The following ULK4 variants were observed in gnomAD, a reference collection of about 807,000 sequenced individuals.
ULK4 encodes the protein inactive serine/threonine-protein kinase ULK4.
Under a neutral mutation model 160.6 loss-of-function variants are expected in ULK4, and 133 were observed. That is an observed-to-expected ratio of 0.83 (90% CI 0.72 to 0.96). The LOEUF (loss-of-function observed/expected upper bound fraction) is 0.96. ULK4 is among the 40% of genes least tolerant of loss of function. The pLI, the probability that ULK4 is intolerant of heterozygous loss-of-function variation, is 0.00. For missense variants in ULK4, 1,580 were observed against 1,499.5 expected (o/e 1.05, Z -0.89); for synonymous variants, 534 against 539.8 (o/e 0.99, Z 0.15).
intron 21 of ULK4, among the ~76,000 whole-genome samples, chr3:41,773,626 C>T (rs1277636881): frequency 1.3e-5 from 2 of 152,028 alleles, no homozygotes; most frequent in Admixed American, 1.3e-4. Context: ...GAATCAATAT[C>T]GTGAAAAGGG....
intron 31 of ULK4, among the ~76,000 whole-genome samples, chr3:41,598,723 C>CA (rs569673428): frequency 6.6e-4 from 100 of 152,020 alleles, no homozygotes; most frequent in African/African-American, 2.3e-3. Flanking sequence ...GCTGCTTCTA[C>CA]AAAGACTGCT....
intron 17 of ULK4, among the ~76,000 whole-genome samples, chr3:41,847,450 G>A (rs1248687584): frequency 6.6e-6 from 1 of 152,168 alleles, no homozygotes; most frequent in East Asian, 1.9e-4. Context: ...ATTATGGTCA[G>A]TGTTTTACTA....
At chr3:41,837,888 A>G (rs1422816639) in intron 17 of ULK4, among the ~76,000 whole-genome samples, 1 of 152,128 alleles carries the variant, frequency 6.6e-6, no homozygotes, top group African/African-American at 2.4e-5. Context: ...TGCTGAACGT[A>G]TTCTATTGTA....
chr3:41,720,415 G>T (rs2037409415), intron 22 of ULK4, among the ~76,000 whole-genome samples: 1 of 131,860 alleles, frequency 7.6e-6, no homozygotes, highest in Non-Finnish European at 1.5e-5. Context: ...CATATAAAAA[G>T]CTAAAAAAAT....
chr3:41,609,179 C>T (rs925629815), intron 31 of ULK4, among the ~76,000 whole-genome samples: 4 of 151,852 alleles, frequency 2.6e-5, no homozygotes, highest in African/African-American at 9.7e-5. Context: ...TGGTTTTTAA[C>T]TCAATAAAAT....
At position 41,559,685 on chromosome 3, in the gene ULK4, T is replaced by C. The variant is rs575616277; in HGVS notation, c.3226+6340A>G. On this transcript the variant is annotated intron_variant, in intron 32 of 36. Coordinates refer to ENST00000301831, the MANE Select transcript of ULK4 (RefSeq NM_017886.4). ...TGCATAAATGTCTTCTTTTGAGAAG[T>C]GTCTGTTCATATCCTTTGACCAGTT... is the stretch of plus-strand genomic sequence containing the variant. Among the ~76,000 whole-genome samples the C allele has an allele frequency of 3.3e-5, 5 of 152,310 alleles. No homozygotes were observed. In the East Asian group the frequency reaches 7.7e-4, roughly 24 times the overall value.
chr3:41,543,291 C>T (rs1349585926), intron 32 of ULK4, among the ~76,000 whole-genome samples: 1 of 152,018 alleles, frequency 6.6e-6, no homozygotes, highest in Admixed American at 6.6e-5. Flanking sequence ...TTGAAAGGAA[C>T]AATATTCAAG....
intron 17 of ULK4, among the ~76,000 whole-genome samples, chr3:41,875,658 G>GA (rs754615277): frequency 6.6e-6 from 1 of 151,468 alleles, no homozygotes; most frequent in Non-Finnish European, 1.5e-5. Context: ...AAAATAAAGA[G>GA]AAAATGCAAT....
At chr3:41,836,376 T>C (rs1240821026) in intron 17 of ULK4, among the ~76,000 whole-genome samples, 7 of 152,166 alleles carry the variant, frequency 4.6e-5, no homozygotes, top group Non-Finnish European at 1.0e-4. Context: ...TTTTGCCATG[T>C]TGGCCAGGCT....
intron 35 of ULK4, among the ~76,000 whole-genome samples, chr3:41,262,661 A>G (rs569794204): frequency 4.6e-5 from 7 of 152,286 alleles, no homozygotes; most frequent in South Asian, 4.1e-4. Flanking sequence ...TTTTCACCCC[A>G]TAAGACATGA....
intron 12 of ULK4, among the ~76,000 whole-genome samples, chr3:41,905,889 A>G (rs1029163233): frequency 2.0e-5 from 3 of 152,118 alleles, no homozygotes; most frequent in African/African-American, 7.2e-5. Flanking sequence ...AGCCTGGCCA[A>G]CATGGTGAAA....
chr3:41,568,803 C>T (rs1162212445), intron 31 of ULK4, among the ~76,000 whole-genome samples: 1 of 152,110 alleles, frequency 6.6e-6, no homozygotes, highest in Non-Finnish European at 1.5e-5. Flanking sequence ...ACAAAATCTA[C>T]CGGGAAACAG....
chr3:41,395,414 G>A (rs1448893481), intron 35 of ULK4, among the ~76,000 whole-genome samples: 1 of 151,964 alleles, frequency 6.6e-6, no homozygotes, highest in African/African-American at 2.4e-5. Flanking sequence ...TTTAAAATGT[G>A]GTATACACAC....
intron 2 of ULK4, among the ~76,000 whole-genome samples, chr3:41,951,144 C>CA (rs34524276): frequency 0.63 from 41,037 of 64,720 alleles, 13,923 homozygotes; most frequent in East Asian, 0.92. Flanking sequence ...GGCTTCGTCT[C>CA]AAAAAAAAAA....
intron 30 of ULK4, among the ~76,000 whole-genome samples, chr3:41,657,818 T>TAAAAAAAAAAAAAAAAAAAAAAAAAA (rs60281588): frequency 2.6e-4 from 26 of 99,708 alleles, no homozygotes; most frequent in African/African-American, 8.7e-4. Context: ...TCCATCTCAT[T>TAAAAAAAAAAAAAAAAAAAAAAAAAA]AAAAAAAAAA....
chr3:41,786,426 C>A (rs530220414), intron 21 of ULK4, among the ~76,000 whole-genome samples: 71 of 151,954 alleles, frequency 4.7e-4, no homozygotes, highest in African/African-American at 1.6e-3. Flanking sequence ...CATAGCAAGA[C>A]CCCATCTCTA....
At chr3:41,550,298 A>ATAGGTAAT (rs2087011822) in intron 32 of ULK4, among the ~76,000 whole-genome samples, 1 of 152,096 alleles carries the variant, frequency 6.6e-6, no homozygotes, top group African/African-American at 2.4e-5. Flanking sequence ...TATCAATAAT[A>ATAGGTAAT]ACCTTGAATA....
intron 32 of ULK4, among the ~76,000 whole-genome samples, chr3:41,561,943 T>C (rs1343274160): frequency 6.6e-6 from 1 of 152,210 alleles, no homozygotes; most frequent in African/African-American, 2.4e-5. Context: ...GTTCTTTTAA[T>C]TGTGATGTTA....
intron 35 of ULK4, among the ~76,000 whole-genome samples, chr3:41,311,877 C>CATATACATATATATATATATATATATAT (rs1553641794): frequency 1.4e-3 from 209 of 146,586 alleles, no homozygotes; most frequent in African/African-American, 5.1e-3. Context: ...AAACTCTCCT[C>CATATACATATATATATATATATATATAT]ATATATATAT....
Sources: gnomAD v4.1 joint callset for allele counts (sites outside exome capture counted in the v4.1 genomes callset) on GRCh38, gnomAD v4.1.1 for gene constraint, MANE v1.5 for transcripts, NCBI Gene and HGNC (gene_info 2026-07-23, HGNC 2026-07-21) for gene names.